EPHA6: variants seen among roughly 807,000 people sequenced by gnomAD.
EPHA6 encodes the protein EPH receptor A6, also known as ephrin type-A receptor 6.
Under a neutral mutation model 112.0 loss-of-function variants are expected in EPHA6, and 50 were observed. That is an observed-to-expected ratio of 0.45 (90% CI 0.36 to 0.56). EPHA6 has a LOEUF of 0.56. EPHA6 is among the 20% of genes least tolerant of loss of function. The pLI is 0.00. For missense variants in EPHA6, 1,280 were observed against 1,417.4 expected (o/e 0.90, Z 1.56); for synonymous variants, 529 against 490.7 (o/e 1.08, Z -1.03).
At chr3:97,303,748 T>C (rs549770707) in intron 5 of EPHA6, among the ~76,000 whole-genome samples, 2 of 152,122 alleles carry the variant, frequency 1.3e-5, no homozygotes, top group South Asian at 2.1e-4. Flanking sequence ...TGGGGAGCCA[T>C]TTAAAAAAAT....
At chr3:97,628,013 T>C (rs572791787) in intron 13 of EPHA6, among the ~76,000 whole-genome samples, 1 of 152,092 alleles carries the variant, frequency 6.6e-6, no homozygotes, top group East Asian at 1.9e-4. Context: ...CTGAGTAATA[T>C]GGGAAGCCAC....
intron 3 of EPHA6, among the ~76,000 whole-genome samples, chr3:97,089,527 T>A (rs1395550733): frequency 6.6e-6 from 1 of 152,144 alleles, no homozygotes; most frequent in African/African-American, 2.4e-5. Flanking sequence ...GATGTTGCCC[T>A]CAAAATGTGG....
intron 2 of EPHA6, among the ~76,000 whole-genome samples, chr3:96,953,108 A>G (rs925187283): frequency 2.0e-5 from 3 of 152,156 alleles, no homozygotes; most frequent in Non-Finnish European, 4.4e-5. Context: ...TTTATAGCCT[A>G]TGTTTTTCTC....
At chr3:97,105,484 T>TA in intron 3 of EPHA6, among the ~76,000 whole-genome samples, 1 of 152,110 alleles carries the variant, frequency 6.6e-6, no homozygotes, top group African/African-American at 2.4e-5. Flanking sequence ...TAAGTCTTGA[T>TA]TTCTGTTTCT....
At chr3:96,838,176 T>G (rs2034531369) in intron 1 of EPHA6, among the ~76,000 whole-genome samples, 1 of 152,072 alleles carries the variant, frequency 6.6e-6, no homozygotes, top group Non-Finnish European at 1.5e-5. Flanking sequence ...TGTGTTTGTT[T>G]GCTGAGGATA....
At chr3:97,551,911 C>A (rs543437951) in intron 11 of EPHA6, among the ~76,000 whole-genome samples, 74 of 152,224 alleles carry the variant, frequency 4.9e-4, no homozygotes, top group African/African-American at 1.7e-3. Flanking sequence ...GAATAAGAAT[C>A]AAGAGAGAAT....
At chr3:97,439,298 C>A (rs113837375) in intron 6 of EPHA6, among the ~76,000 whole-genome samples, 1 of 152,102 alleles carries the variant, frequency 6.6e-6, no homozygotes, top group East Asian at 1.9e-4. Context: ...AATGATACGT[C>A]CCCAGAAATG....
chr3:97,728,240 A>C (rs1027650866), intron 15 of EPHA6, among the ~76,000 whole-genome samples: 1 of 127,414 alleles, frequency 7.8e-6, no homozygotes, highest in African/African-American at 3.0e-5. Context: ...CTAAAATCAA[A>C]ATGATCCACC....
intron 2 of EPHA6, among the ~76,000 whole-genome samples, chr3:96,868,282 AT>A (rs1019170774): frequency 9.2e-5 from 14 of 151,526 alleles, no homozygotes; most frequent in Admixed American, 7.3e-4. Flanking sequence ...CAATTTATTT[AT>A]TTTTTCTTTT....
intron 2 of EPHA6, among the ~76,000 whole-genome samples, chr3:96,903,548 TTTG>T (rs1265027634): frequency 6.6e-6 from 1 of 152,178 alleles, no homozygotes; most frequent in African/African-American, 2.4e-5. Context: ...TACTATAAAG[TTTG>T]TTACTATAAA....
chr3:97,574,805 G>A (rs2093367342), intron 11 of EPHA6, among the ~76,000 whole-genome samples: 1 of 152,040 alleles, frequency 6.6e-6, no homozygotes, highest in African/African-American at 2.4e-5. Context: ...CCAGTGATAT[G>A]TTAATTAAAA....
At chr3:96,872,763 A>G (rs2036705028) in intron 2 of EPHA6, among the ~76,000 whole-genome samples, 1 of 151,754 alleles carries the variant, frequency 6.6e-6, no homozygotes, top group Non-Finnish European at 1.5e-5. Context: ...AAGGTTCTTT[A>G]TATTTGCTTT....
At position 97,165,636 on chromosome 3, in the gene EPHA6, G is replaced by A. The variant is rs549892893; in HGVS notation, c.1115-60628G>A. 9.9e-5 allele frequency among the ~76,000 whole-genome samples: 15 copies of A among 152,200 alleles called. No individual in the cohort carries two copies. The South Asian group carries it at 3.1e-3, about 32-fold the overall frequency. ...AAAGTGGGACAGACTAGAAGTGATT[G>A]TTATAGCCTAGGATCATTATCACTC... On this transcript the variant is annotated intron_variant, in intron 3 of 17. Transcript: ENST00000389672.
At chr3:97,486,550 A>G (rs1018850344) in intron 10 of EPHA6, among the ~76,000 whole-genome samples, 1 of 152,146 alleles carries the variant, frequency 6.6e-6, no homozygotes, top group Admixed American at 6.6e-5. Context: ...GCTGCATCAT[A>G]ACATGGTGGA....
chr3:97,139,254 C>T (rs188211258), intron 3 of EPHA6, among the ~76,000 whole-genome samples: 12 of 152,312 alleles, frequency 7.9e-5, no homozygotes, highest in African/African-American at 2.4e-4. Flanking sequence ...AAAAATTTCA[C>T]TGCCACCAAC....
At chr3:97,738,356 C>T (rs935470998) in intron 16 of EPHA6, among the ~76,000 whole-genome samples, 3 of 151,928 alleles carry the variant, frequency 2.0e-5, no homozygotes, top group Admixed American at 6.6e-5. Context: ...ATCTGGGCCC[C>T]TTGTTGTGGT....
intron 1 of EPHA6, among the ~76,000 whole-genome samples, chr3:96,823,550 T>C (rs1236802557): frequency 6.6e-6 from 1 of 151,880 alleles, no homozygotes; most frequent in African/African-American, 2.4e-5. Context: ...AAATAGTATT[T>C]ATCTTGTGAA....
chr3:96,842,958 T>C (rs1250692132), intron 1 of EPHA6, among the ~76,000 whole-genome samples: 1 of 152,080 alleles, frequency 6.6e-6, no homozygotes, highest in Non-Finnish European at 1.5e-5. Context: ...GTCTTTAAAA[T>C]TTGGTACAGT....
intron 11 of EPHA6, among the ~76,000 whole-genome samples, chr3:97,583,793 G>A (rs191348659): frequency 6.6e-6 from 1 of 152,128 alleles, no homozygotes; most frequent in Admixed American, 6.5e-5. Flanking sequence ...TGACTAGAAA[G>A]TTTATAGAGA....
Sources: gnomAD v4.1 joint callset for allele counts (sites outside exome capture counted in the v4.1 genomes callset) on GRCh38, gnomAD v4.1.1 for gene constraint, MANE v1.5 for transcripts, NCBI Gene and HGNC (gene_info 2026-07-23, HGNC 2026-07-21) for gene names.